PIERCE2: variants seen among roughly 807,000 people sequenced by gnomAD.
PIERCE2 encodes piercer of microtubule wall 2.
the PIERCE2 span, chr15:55,418,355 CTA>C: frequency 6.5e-7 from 1 of 1,538,512 alleles, no homozygotes; most frequent in African/African-American, 1.4e-5. Context: ...AGCCACCTCA[CTA>C]TCAAAACCTC....
Sources: gnomAD v4.1 joint callset for allele counts on GRCh38, gnomAD v4.1.1 for gene constraint, MANE v1.5 for transcripts, NCBI Gene and HGNC (gene_info 2026-07-23, HGNC 2026-07-21) for gene names.